Variants in HDAC4 observed in about 807,000 individuals in gnomAD.
HDAC4 encodes histone deacetylase A.
HDAC4 carries 16 observed loss-of-function variants against 135.1 expected under a neutral mutation model. That is an observed-to-expected ratio of 0.12 (90% CI 0.08 to 0.18). HDAC4 has a LOEUF of 0.18. Ranked by LOEUF, HDAC4 falls within the 10% of genes least tolerant of loss-of-function variation. HDAC4 has a pLI of 1.00. For synonymous variants in HDAC4, 685 were observed against 653.4 expected, an observed-to-expected ratio of 1.05 and a Z score of -0.74; for missense variants, 1,143 against 1,511.8, an observed-to-expected ratio of 0.76 and a Z score of 4.05.
At chr2:239,154,023 G>C (rs1254766196) in intron 7 of HDAC4, among the ~76,000 whole-genome samples, 2 of 152,210 alleles carry the variant, frequency 1.3e-5, no homozygotes, top group Non-Finnish European at 2.9e-5. Flanking sequence ...AGGTAGTGCT[G>C]ACATTTGGGA....
At chr2:239,382,107 C>T (rs1023083471) in intron 1 of HDAC4, among the ~76,000 whole-genome samples, 3 of 152,236 alleles carry the variant, frequency 2.0e-5, no homozygotes, top group African/African-American at 4.8e-5. Context: ...GCACAATCAG[C>T]GACAGCACAG....
At chr2:239,250,486 CCTGCCACTGGGG>C (rs60514444) in intron 2 of HDAC4, among the ~76,000 whole-genome samples, 3 of 152,194 alleles carry the variant, frequency 2.0e-5, no homozygotes, top group Non-Finnish European at 2.9e-5. Context: ...CACGTGCCTT[CCTGCCACTGGGG>C]CTGCCACTGG....
At chr2:239,130,559 G>A (rs548863126) in intron 11 of HDAC4, among the ~76,000 whole-genome samples, 23 of 134,100 alleles carry the variant, frequency 1.7e-4, no homozygotes, top group South Asian at 6.7e-4. Flanking sequence ...TCCTTAAGAC[G>A]CTGGTGGCAT....
chr2:239,162,787 C>A (rs1029769950), intron 6 of HDAC4, among the ~76,000 whole-genome samples: 1 of 152,152 alleles, frequency 6.6e-6, no homozygotes, highest in African/African-American at 2.4e-5. Context: ...CTGGAAACAC[C>A]TTTTGGGATG....
At chr2:239,314,620 A>G (rs1327071763) in intron 2 of HDAC4, among the ~76,000 whole-genome samples, 1 of 152,240 alleles carries the variant, frequency 6.6e-6, no homozygotes, top group Non-Finnish European at 1.5e-5. Context: ...TTAAAATTTA[A>G]AACTAAATGA....
At chr2:239,265,327 C>A (rs1483579472) in intron 2 of HDAC4, among the ~76,000 whole-genome samples, 1 of 152,232 alleles carries the variant, frequency 6.6e-6, no homozygotes, top group East Asian at 1.9e-4. Context: ...CAGCAAACAC[C>A]GCCACAGACT....
At chr2:239,200,503 A>G (rs1363696483) in intron 3 of HDAC4, among the ~76,000 whole-genome samples, 1 of 152,182 alleles carries the variant, frequency 6.6e-6, no homozygotes, top group Non-Finnish European at 1.5e-5. Flanking sequence ...TATGTAGGTG[A>G]GTTTTTATAT....
In HDAC4 at chr2:239,066,712, G is replaced by A. The variant is rs1559362435; in HGVS notation, c.3003+10C>T. On this transcript the variant is annotated intron_variant, in intron 24 of 26. Coordinates refer to ENST00000543185, the MANE Select transcript of HDAC4 (RefSeq NM_001378414.1). ...TGGAGCATCCTGTGGGGTCTCTGGG[G>A]TCTTCCTACCTCGTTTCCCAGCAAG... 6.2e-7 allele frequency: 1 copy of A among 1,613,634 alleles called. No homozygotes were observed. Among genetic ancestry groups the A allele is most frequent in the Non-Finnish European group, 8.5e-7 (1 of 1,180,026 alleles).
At chr2:239,312,804 C>T (rs1459883815) in intron 2 of HDAC4, among the ~76,000 whole-genome samples, 5 of 152,164 alleles carry the variant, frequency 3.3e-5, no homozygotes, top group Admixed American at 2.6e-4. Context: ...GCCGTGGCGC[C>T]GGCAGACTAG....
chr2:239,360,809 C>T (rs1318835201), intron 1 of HDAC4, among the ~76,000 whole-genome samples: 1 of 152,236 alleles, frequency 6.6e-6, no homozygotes, highest in Non-Finnish European at 1.5e-5. Flanking sequence ...AGTTCCTTAT[C>T]ACCCCTGAGC....
chr2:239,174,048 A>T (rs943531678), intron 5 of HDAC4, among the ~76,000 whole-genome samples: 4 of 152,218 alleles, frequency 2.6e-5, no homozygotes, highest in African/African-American at 7.2e-5. Flanking sequence ...TGCAATCACA[A>T]ACAAAACCCC....
intron 2 of HDAC4, among the ~76,000 whole-genome samples, chr2:239,300,866 C>T (rs776772599): frequency 3.3e-5 from 5 of 152,240 alleles, no homozygotes; most frequent in Admixed American, 6.5e-5. Context: ...TTCCTCATTC[C>T]GTACATCGTG....
At chr2:239,208,523 C>G (rs2153090636) in intron 3 of HDAC4, among the ~76,000 whole-genome samples, 1 of 152,154 alleles carries the variant, frequency 6.6e-6, no homozygotes, top group Non-Finnish European at 1.5e-5. Flanking sequence ...AAAGAGTTAT[C>G]TATTAAAAGG....
At position 239,053,090 on chromosome 2, in the gene HDAC4, G is replaced by A; in HGVS notation, c.*7C>T. ...ACAGACAAGAGAACAGCAGCTTCGA[G>A]GGAGTGCTACAGGGGCGGCTCCTCT... On this transcript the variant is annotated 3_prime_UTR_variant, in exon 27 of 27. Transcript: ENST00000543185. 6.2e-7 allele frequency: 1 copy of A among 1,614,176 alleles called. No individual in the cohort carries two copies. The highest frequency in any genetic ancestry group is 1.1e-5 in the South Asian group (1 of 91,090).
At chr2:239,250,605 C>G (rs1014540028) in intron 2 of HDAC4, among the ~76,000 whole-genome samples, 1 of 152,218 alleles carries the variant, frequency 6.6e-6, no homozygotes, top group Non-Finnish European at 1.5e-5. Context: ...TATCCAGAAG[C>G]TGCTATGGGT....
rs1440859531 is a variant in HDAC4 at position 239,299,472 on chromosome 2, C to G, written c.22+53206G>C. 6.6e-6 allele frequency among the ~76,000 whole-genome samples: 1 copy of G among 152,166 alleles called. No individual in the cohort carries two copies. Among genetic ancestry groups the G allele is most frequent in the Non-Finnish European group, 1.5e-5 (1 of 68,032 alleles). Reference sequence around the variant, plus strand: ...TCGCACAACCACGGCACTGGGGTGCCGAAACCAGAAGAGACATGCACACGA... The same window carrying G: ...TCGCACAACCACGGCACTGGGGTGCGGAAACCAGAAGAGACATGCACACGA... On this transcript the variant is annotated intron_variant, in intron 2 of 26. Coordinates refer to ENST00000543185, the MANE Select transcript of HDAC4 (RefSeq NM_001378414.1). This position sits in a 1 kb window ranked among gnomAD's most constrained non-coding sequence, Gnocchi z 4.0.
intron 2 of HDAC4, chr2:239,298,361 A>C: frequency 8.4e-7 from 1 of 1,193,814 alleles, no homozygotes; most frequent in Non-Finnish European, 1.1e-6. Flanking sequence ...AACCTGACAC[A>C]CAGTAGGGAT....
At chr2:239,062,116 C>A (rs993761355) in intron 24 of HDAC4, among the ~76,000 whole-genome samples, 21 of 152,282 alleles carry the variant, frequency 1.4e-4, no homozygotes, top group African/African-American at 5.1e-4. Context: ...TCGTAGGGAA[C>A]TTTTCACTGC....
rs558389988 is a variant in HDAC4 at position 239,374,789 on chromosome 2, TCA to T, written c.-219-21873_-219-21872del. Among the ~76,000 whole-genome samples, 1,056 of 152,324 alleles carry T rather than the reference TCA, an allele frequency of 6.9e-3. 8 individuals carry two copies. Among genetic ancestry groups the T allele is most frequent in the Non-Finnish European group, 9.6e-3 (653 of 68,032 alleles). On this transcript the variant is annotated intron_variant, in intron 1 of 26. Transcript: ENST00000543185. Reference sequence around the variant, plus strand: ...GAATATCAAAGATAATCAGAAGATCTCAAATTTCAGATAAAATGAAAATAAGA... The same window carrying T: ...GAATATCAAAGATAATCAGAAGATCTAATTTCAGATAAAATGAAAATAAGA...
Sources: gnomAD v4.1 joint callset for allele counts (sites outside exome capture counted in the v4.1 genomes callset) on GRCh38, gnomAD v4.1.1 for gene constraint, Gnocchi (gnomAD v3.1) non-coding constraint, MANE v1.5 for transcripts, NCBI Gene and HGNC (gene_info 2026-07-23, HGNC 2026-07-21) for gene names.